The following PTPRN2 variants were observed in gnomAD, a reference collection of about 807,000 sequenced individuals.
PTPRN2 encodes the protein receptor-type tyrosine-protein phosphatase N2.
PTPRN2 carries 74 observed loss-of-function variants against 118.8 expected under a neutral mutation model. That is an observed-to-expected ratio of 0.62 (90% CI 0.52 to 0.76). The LOEUF is 0.76. Ranked by LOEUF, PTPRN2 falls within the 30% of genes least tolerant of loss-of-function variation. The pLI, the probability that PTPRN2 is intolerant of heterozygous loss-of-function variation, is 0.00. For missense variants in PTPRN2, 1,481 were observed against 1,394.4 expected, an observed-to-expected ratio of 1.06 and a Z score of -0.99; for synonymous variants, 641 against 608.0, an observed-to-expected ratio of 1.05 and a Z score of -0.80.
intron 9 of PTPRN2, among the ~76,000 whole-genome samples, chr7:158,113,564 T>C (rs1315475668): frequency 1.3e-5 from 2 of 152,040 alleles, no homozygotes; most frequent in African/African-American, 4.8e-5. Flanking sequence ...CAGGGACCCC[T>C]TGGGGAGAGG....
chr7:158,242,471 G>A (rs572411871), intron 3 of PTPRN2, among the ~76,000 whole-genome samples: 27 of 152,330 alleles, frequency 1.8e-4, no homozygotes, highest in African/African-American at 6.0e-4. Flanking sequence ...ATCTGTGTTC[G>A]TCGGGAATAC....
intron 11 of PTPRN2, among the ~76,000 whole-genome samples, chr7:158,031,991 G>A (rs1237111323): frequency 1.3e-5 from 2 of 152,314 alleles, no homozygotes; most frequent in East Asian, 3.9e-4. Context: ...GACATGGTGA[G>A]CAGCCCAGCT....
At chr7:158,387,578 G>GGGGGCTTTGGCAT (rs1563230352) in intron 2 of PTPRN2, among the ~76,000 whole-genome samples, 1 of 16,948 alleles carries the variant, frequency 5.9e-5, no homozygotes, top group Non-Finnish European at 1.2e-4. Context: ...TGTCAGCTCA[G>GGGGGCTTTGGCAT]CTTGGCCCGG....
At chr7:157,600,936 T>G (rs1419621730) in intron 16 of PTPRN2, among the ~76,000 whole-genome samples, 1 of 152,246 alleles carries the variant, frequency 6.6e-6, no homozygotes, top group African/African-American at 2.4e-5. Flanking sequence ...GCATTCTGAA[T>G]TAAAACTTTA....
chr7:158,418,529 C>T (rs1325559719), intron 2 of PTPRN2, among the ~76,000 whole-genome samples: 1 of 70,012 alleles, frequency 1.4e-5, no homozygotes, highest in African/African-American at 4.0e-5. Context: ...TCACAGTGTA[C>T]TACATCGAGA....
chr7:158,350,316 G>A (rs577863001), intron 2 of PTPRN2, among the ~76,000 whole-genome samples: 1 of 152,328 alleles, frequency 6.6e-6, no homozygotes, highest in African/African-American at 2.4e-5. Context: ...TCTTTCCCAA[G>A]CAGGGGCAGG....
At chr7:158,010,232 A>G (rs1316974404) in intron 11 of PTPRN2, among the ~76,000 whole-genome samples, 1 of 152,186 alleles carries the variant, frequency 6.6e-6, no homozygotes, top group Non-Finnish European at 1.5e-5. Flanking sequence ...CTGGGGGGCC[A>G]GGATCCTCCA....
In PTPRN2 at chr7:158,441,197, GGTGA is replaced by G. The variant is rs1817104200; in HGVS notation, c.163+48534_163+48537del. On this transcript the variant is annotated intron_variant, in intron 2 of 22. Transcript: ENST00000389418. The stretch of plus-strand genomic sequence containing the variant: ...TGGTGGCAGTGGTGGTGATAGTGAT[GGTGA>G]TGGTGGTGGTGGTGATGGTGATAGT... Among the ~76,000 whole-genome samples the G allele has an allele frequency of 9.6e-5, 14 of 145,490 alleles. 1 individual carries two copies. The highest frequency in any genetic ancestry group is 1.5e-5 in the Non-Finnish European group (1 of 65,742).
At chr7:157,724,127 C>T (rs1266969419) in intron 12 of PTPRN2, among the ~76,000 whole-genome samples, 13 of 149,964 alleles carry the variant, frequency 8.7e-5, no homozygotes, top group African/African-American at 2.2e-4. Context: ...ATCTGAATCG[C>T]GCTGGTGTAT....
chr7:157,873,536 G>GCAGAATTTCCTGCGCT (rs1563195161), intron 12 of PTPRN2, among the ~76,000 whole-genome samples: 20 of 147,638 alleles, frequency 1.4e-4, no homozygotes, highest in African/African-American at 4.9e-4. Context: ...CTGTCCTCAA[G>GCAGAATTTCCTGCGCT]GTCTGTCTCG....
At chr7:158,238,489 C>T (rs1182236434) in intron 3 of PTPRN2, among the ~76,000 whole-genome samples, 8 of 152,200 alleles carry the variant, frequency 5.3e-5, no homozygotes, top group Admixed American at 3.9e-4. Flanking sequence ...GCCACTGTCC[C>T]TCTTAATCCA....
At chr7:158,090,126 A>G (rs1278653216) in intron 10 of PTPRN2, among the ~76,000 whole-genome samples, 2 of 139,374 alleles carry the variant, frequency 1.4e-5, no homozygotes, top group African/African-American at 2.7e-5. Flanking sequence ...CAAAAGAGGG[A>G]GTCTTCACAC....
At chr7:158,550,151 C>T (rs1826553485) in intron 1 of PTPRN2, among the ~76,000 whole-genome samples, 1 of 152,194 alleles carries the variant, frequency 6.6e-6, no homozygotes, top group South Asian at 2.1e-4. Flanking sequence ...CACCAGGCGT[C>T]GGGGTGGAGA....
At chr7:158,340,166 C>A (rs377159407) in intron 2 of PTPRN2, among the ~76,000 whole-genome samples, 1 of 27,272 alleles carries the variant, frequency 3.7e-5, no homozygotes, top group African/African-American at 1.3e-4. Flanking sequence ...CACCATAAGA[C>A]CTGACACTCG....
chr7:158,564,361 T>G (rs1404440401), intron 1 of PTPRN2, among the ~76,000 whole-genome samples: 3 of 152,162 alleles, frequency 2.0e-5, no homozygotes, highest in African/African-American at 2.4e-5. Flanking sequence ...TTGGGGGTAA[T>G]AGAATTGTAC....
chr7:158,109,197 CCT>C (rs1277927031), intron 10 of PTPRN2, among the ~76,000 whole-genome samples: 6 of 151,752 alleles, frequency 4.0e-5, no homozygotes, highest in African/African-American at 1.2e-4. Context: ...TGACATCACC[CCT>C]GTGTGAAGAC....
intron 1 of PTPRN2, among the ~76,000 whole-genome samples, chr7:158,496,217 C>T (rs1287624999): frequency 1.4e-5 from 2 of 147,570 alleles, no homozygotes; most frequent in Non-Finnish European, 3.0e-5. Flanking sequence ...GCAGCCTCCC[C>T]CTTCCCTTCA....
chr7:158,172,975 A>T (rs1455093831), intron 5 of PTPRN2, among the ~76,000 whole-genome samples: 1 of 143,436 alleles, frequency 7.0e-6, no homozygotes, highest in African/African-American at 2.6e-5. Context: ...CATCATCATC[A>T]CCCCATCATC....
At chr7:158,240,541 G>A (rs985467170) in intron 3 of PTPRN2, among the ~76,000 whole-genome samples, 1 of 152,144 alleles carries the variant, frequency 6.6e-6, no homozygotes, top group African/African-American at 2.4e-5. Context: ...TGATTCTCCT[G>A]CCTCGGCCTC....
Sources: allele counts gnomAD v4.1 joint callset (sites outside exome capture counted in the v4.1 genomes callset), GRCh38; gene constraint gnomAD v4.1.1; transcripts MANE v1.5; gene names NCBI Gene and HGNC (gene_info 2026-07-23, HGNC 2026-07-21).